The following REDIC1 variants were observed in gnomAD, a reference collection of about 807,000 sequenced individuals.
REDIC1 encodes HEI10 Interacting Protein 1.
the REDIC1 span, among the ~76,000 whole-genome samples, chr12:39,698,632 T>A: frequency 6.6e-6 from 1 of 152,198 alleles, no homozygotes; most frequent in Admixed American, 6.5e-5. Flanking sequence ...AAAATTGAAA[T>A]GATATCAAAT....
At chr12:39,751,459 G>C in the REDIC1 span, among the ~76,000 whole-genome samples, 2 of 152,214 alleles carry the variant, frequency 1.3e-5, no homozygotes, top group African/African-American at 2.4e-5. Context: ...TGGTGGGACT[G>C]TAAACTAGTT....
chr12:39,893,180 T>C, the REDIC1 span, among the ~76,000 whole-genome samples: 1 of 152,236 alleles, frequency 6.6e-6, no homozygotes, highest in African/African-American at 2.4e-5. Flanking sequence ...TCATTTAAAT[T>C]AGATTGGCCA....
chr12:39,866,833 A>AAGCAGCAGC, the REDIC1 span, among the ~76,000 whole-genome samples: 1 of 152,112 alleles, frequency 6.6e-6, no homozygotes, highest in South Asian at 2.1e-4. Flanking sequence ...TTATTATTAC[A>AAGCAGCAGC]AGCAGCAGCA....
the REDIC1 span, among the ~76,000 whole-genome samples, chr12:39,746,315 C>T: frequency 2.2e-4 from 33 of 152,166 alleles, no homozygotes; most frequent in African/African-American, 3.9e-4. Flanking sequence ...GAGGATCCCA[C>T]GGCCATGGAA....
At chr12:39,753,104 T>C in the REDIC1 span, among the ~76,000 whole-genome samples, 2 of 152,222 alleles carry the variant, frequency 1.3e-5, no homozygotes, top group Admixed American at 6.5e-5. Flanking sequence ...ATCTATTTGC[T>C]AAAAGTAAAG....
the REDIC1 span, among the ~76,000 whole-genome samples, chr12:39,774,585 T>C: frequency 1.9e-3 from 12 of 6,382 alleles, no homozygotes; most frequent in African/African-American, 3.6e-3. Flanking sequence ...TTGTCCAGCC[T>C]TTTTTTTTTT....
chr12:39,817,017 G>C, the REDIC1 span, among the ~76,000 whole-genome samples: 1 of 151,772 alleles, frequency 6.6e-6, no homozygotes, highest in Non-Finnish European at 1.5e-5. Context: ...AGGATACCAA[G>C]AACCACAAAT....
At chr12:39,775,370 C>T in the REDIC1 span, among the ~76,000 whole-genome samples, 5 of 152,182 alleles carry the variant, frequency 3.3e-5, no homozygotes, top group East Asian at 9.6e-4. Context: ...ATGCAAAATC[C>T]AGGACATGAG....
At chr12:39,729,318 C>T in the REDIC1 span, among the ~76,000 whole-genome samples, 1 of 152,040 alleles carries the variant, frequency 6.6e-6, no homozygotes, top group Non-Finnish European at 1.5e-5. Flanking sequence ...TTCCCTGTAA[C>T]CACTGCTTTA....
the REDIC1 span, among the ~76,000 whole-genome samples, chr12:39,715,120 G>C: frequency 1.3e-5 from 2 of 151,844 alleles, no homozygotes; most frequent in African/African-American, 2.4e-5. Flanking sequence ...TGTGTTCTTG[G>C]TCATGAAATC....
the REDIC1 span, among the ~76,000 whole-genome samples, chr12:39,730,347 G>T: frequency 6.6e-6 from 1 of 152,172 alleles, no homozygotes; most frequent in African/African-American, 2.4e-5. Context: ...TGTAAGGCAG[G>T]CCTGGTGGTG....
At chr12:39,628,417 G>A in the REDIC1 span, among the ~76,000 whole-genome samples, 1 of 152,200 alleles carries the variant, frequency 6.6e-6, no homozygotes, top group African/African-American at 2.4e-5. Flanking sequence ...TTAGTAACTA[G>A]TGGCAGCTGA....
At chr12:39,652,834 A>G in the REDIC1 span, among the ~76,000 whole-genome samples, 1 of 152,140 alleles carries the variant, frequency 6.6e-6, no homozygotes, top group Non-Finnish European at 1.5e-5. Flanking sequence ...CACCTTTGTC[A>G]GAAATCAATT....
the REDIC1 span, among the ~76,000 whole-genome samples, chr12:39,823,912 A>G: frequency 6.6e-6 from 1 of 152,172 alleles, no homozygotes; most frequent in South Asian, 2.1e-4. Context: ...TGTAAATTGC[A>G]TTACTTCAAT....
the REDIC1 span, among the ~76,000 whole-genome samples, chr12:39,820,104 A>T: frequency 3.9e-5 from 6 of 152,084 alleles, no homozygotes; most frequent in Admixed American, 1.3e-4. Context: ...CCTATAACTC[A>T]TTTACCAAAT....
the REDIC1 span, among the ~76,000 whole-genome samples, chr12:39,634,508 A>T: frequency 6.6e-6 from 1 of 152,188 alleles, no homozygotes; most frequent in East Asian, 1.9e-4. Flanking sequence ...CTGATCTTTG[A>T]CAAACCTGAC....
the REDIC1 span, among the ~76,000 whole-genome samples, chr12:39,632,281 A>G: frequency 2.3e-3 from 347 of 152,038 alleles, 2 homozygotes; most frequent in South Asian, 5.2e-3. Context: ...TATTTTTAGT[A>G]GAGACAGGGT....
At chr12:39,852,833 T>C in the REDIC1 span, among the ~76,000 whole-genome samples, 1 of 152,210 alleles carries the variant, frequency 6.6e-6, no homozygotes, top group Admixed American at 6.5e-5. Context: ...TATAACTTTG[T>C]AACATCAGCC....
chr12:39,801,277 T>A, the REDIC1 span, among the ~76,000 whole-genome samples: 1 of 146,832 alleles, frequency 6.8e-6, no homozygotes, highest in Non-Finnish European at 1.5e-5. Context: ...AAAACAAAGT[T>A]TTTATATTTT....
Sources: gnomAD v4.1 joint callset for allele counts (sites outside exome capture counted in the v4.1 genomes callset) on GRCh38, gnomAD v4.1.1 for gene constraint, MANE v1.5 for transcripts, NCBI Gene and HGNC (gene_info 2026-07-23, HGNC 2026-07-21) for gene names.